Variants in CEP350 observed in about 807,000 individuals in gnomAD.
CEP350 encodes centrosome-associated protein 350.
Under a neutral mutation model 331.8 loss-of-function variants are expected in CEP350, and 126 were observed. The observed-to-expected ratio is 0.38, with a 90% CI of 0.33 to 0.44. CEP350 has a LOEUF of 0.44. Ranked by LOEUF, CEP350 falls within the 20% of genes least tolerant of loss-of-function variation. The pLI is 1.00. For missense variants in CEP350, 3,406 were observed against 3,634.6 expected, an observed-to-expected ratio of 0.94 and a Z score of 1.62; for synonymous variants, 1,200 against 1,259.5, an observed-to-expected ratio of 0.95 and a Z score of 1.00.
At chr1:180,099,780 ATTTTTTTTT>A (rs200255438) in intron 37 of CEP350, among the ~76,000 whole-genome samples, 10 of 119,504 alleles carry the variant, frequency 8.4e-5, no homozygotes, top group Admixed American at 8.7e-5. Context: ...GCCTTATTTG[ATTTTTTTTT>A]TTTTTTTTTT....
chr1:179,990,575 T>C lies in CEP350; in HGVS notation c.189T>C (p.Asp63=), dbSNP rs1033724137. The C allele has an allele frequency of 2.5e-6, 4 of 1,605,912 alleles. No individual in the cohort carries two copies. In the South Asian group the frequency reaches 3.4e-5, roughly 13 times the overall value. The part of the protein sequence containing the change: ...TSTAVCDSVM[D]TKKSSTSATR... ...CAGCTGTGTGTGATTCTGTCATGGA[T>C]ACCAAGAAGTCTTCTACAAGTGCTA... The change falls in exon 4 of 38, where the codon GAT becomes GAC. Residue 63 remains aspartate (D), a synonymous_variant. Transcript: ENST00000367607.
chr1:180,076,379 T>TTAATTAATGATTAATAATC (rs1475236799), intron 28 of CEP350, among the ~76,000 whole-genome samples: 1 of 152,206 alleles, frequency 6.6e-6, no homozygotes, highest in Non-Finnish European at 1.5e-5. Context: ...CAAATCCTAA[T>TTAATTAATGATTAATAATC]ACTTAATGAC....
chr1:179,992,202 G>A lies in CEP350; in HGVS notation c.376G>A (p.Glu126Lys). The A allele has an allele frequency of 6.7e-7, 1 of 1,499,758 alleles. No homozygotes were observed. Among genetic ancestry groups the A allele is most frequent in the South Asian group, 1.4e-5 (1 of 73,854 alleles). The allele number at this position is 1,499,758 out of a possible 1,614,324, so 92.9% of individuals were successfully genotyped here. ...GAAAAATAATCGTGTGGAATTTCGT[G>A]AACCTTTGGTTTCTTATAGGTTAGT... ...VKKNNRVEFREPLVSYREIHG... is the reference protein window; with the variant it reads ...VKKNNRVEFRKPLVSYREIHG... Residue 126 changes from glutamate to lysine, a missense_variant, in exon 5 of 38, where the codon GAA becomes AAA. Around this residue, in one of 5 missense-constraint regions of CEP350, gnomAD observed 1,857 missense variants for 1,909.2 expected, o/e 0.97. Coordinates refer to ENST00000367607, the MANE Select transcript of CEP350 (RefSeq NM_014810.5).
At position 179,987,232 on chromosome 1, in the gene CEP350, T is replaced by C; in HGVS notation, c.74-8T>C. 1.3e-6 allele frequency: 2 copies of C among 1,492,030 alleles called. No homozygotes were observed. The highest frequency in any genetic ancestry group is 1.8e-6 in the Non-Finnish European group (2 of 1,083,488). 92.4% of individuals were successfully genotyped at this position (1,492,030 alleles called of 1,614,324 possible). A position where few individuals can be genotyped will look rare whatever the true frequency, so the allele number is the denominator to read the frequency against. On this transcript the variant is annotated splice_polypyrimidine_tract_variant and splice_region_variant and intron_variant, in intron 2 of 37. Coordinates refer to ENST00000367607, the MANE Select transcript of CEP350 (RefSeq NM_014810.5). ...GATTGATAAAGTAAATATCATTTTT[T>C]TTCCCAGCAGATATAACCACATCGT...
At chr1:179,991,726 CA>C (rs1189161713) in intron 4 of CEP350, among the ~76,000 whole-genome samples, 6 of 79,194 alleles carry the variant, frequency 7.6e-5, no homozygotes, top group Non-Finnish European at 1.6e-4. Context: ...TATATATATA[CA>C]TTTTTTTTTA....
intron 1 of CEP350, among the ~76,000 whole-genome samples, chr1:179,983,759 T>C (rs1652454108): frequency 6.6e-6 from 1 of 152,230 alleles, no homozygotes; most frequent in Admixed American, 6.5e-5. Context: ...GAGAAAATAA[T>C]GTTTATCAAA....
chr1:179,980,420 A>G (rs1240889384), intron 1 of CEP350, among the ~76,000 whole-genome samples: 1 of 151,696 alleles, frequency 6.6e-6, no homozygotes, highest in African/African-American at 2.4e-5. Context: ...GAATTCATTT[A>G]TTAGTTCTAA....
chr1:180,048,338 C>G (rs1375531988), intron 21 of CEP350, among the ~76,000 whole-genome samples, 198 bp from the exon 22 acceptor site: 3 of 152,168 alleles, frequency 2.0e-5, no homozygotes, highest in Admixed American at 6.5e-5. Flanking sequence ...AAACCTTCCT[C>G]TCTCCTACTC....
At chr1:180,001,173 A>G (rs781478725) in intron 6 of CEP350, among the ~76,000 whole-genome samples, 1 of 152,174 alleles carries the variant, frequency 6.6e-6, no homozygotes, top group Non-Finnish European at 1.5e-5. Flanking sequence ...AAATCTTTAT[A>G]CTACTTTGGT....
At chr1:180,038,656 T>C (rs987426836) in intron 17 of CEP350, among the ~76,000 whole-genome samples, 6 of 152,220 alleles carry the variant, frequency 3.9e-5, no homozygotes, top group Non-Finnish European at 5.9e-5. Flanking sequence ...TCTTTTTGTG[T>C]ATTTATTGAG....
Position 180,041,729 on chromosome 1 carries a change from C to T in CEP350, c.4289C>T (p.Ala1430Val), listed in dbSNP as rs761813924. ...GAAGTAACTGAAGTCCTGCAGGAAG[C>T]AACGTGTAAAATAGCAGCTCAGCAG... The part of the protein sequence containing the change: ...QREVTEVLQE[A>V]TCKIAAQQSE... The change falls in exon 19 of 38, where the codon GCA becomes GTA. Residue 1430 changes from alanine (A) to valine (V), a missense_variant. Coordinates refer to ENST00000367607, the MANE Select transcript of CEP350 (RefSeq NM_014810.5). The T allele has an allele frequency of 6.2e-7, 1 of 1,613,376 alleles. No individual in the cohort carries two copies.
Position 179,967,457 on chromosome 1 carries a change from G to A in CEP350, c.-14+12315G>A, listed in dbSNP as rs773141120. 1.6e-4 allele frequency among the ~76,000 whole-genome samples: 24 copies of A among 152,116 alleles called. 1 individual carries two copies. The highest frequency in any genetic ancestry group is 2.4e-4 in the Non-Finnish European group (16 of 68,018). On this transcript the variant is annotated intron_variant, in intron 1 of 37. Coordinates refer to ENST00000367607, the MANE Select transcript of CEP350 (RefSeq NM_014810.5). The stretch of plus-strand genomic sequence containing the variant: ...GACTGAGTCTCACTCTGTCGCCCAG[G>A]AGGGAGTACAGTAGCGTGATCTTGG...
At chr1:180,031,172 T>C (rs961704859) in intron 14 of CEP350, 148 bp from the exon 15 acceptor site, 11 of 469,282 alleles carry the variant, frequency 2.3e-5, no homozygotes, top group Non-Finnish European at 4.2e-5. Context: ...ATTTTAGATA[T>C]GGAAAACAGA....
chr1:180,048,438 C>A, intron 21 of CEP350, 98 bp from the exon 22 acceptor site: 2 of 720,826 alleles, frequency 2.8e-6, no homozygotes, highest in Non-Finnish European at 4.7e-6. Context: ...TTTATCTTGA[C>A]TATAAAGTAC....
intron 1 of CEP350, among the ~76,000 whole-genome samples, chr1:179,965,351 A>G (rs915521259): frequency 6.6e-6 from 1 of 152,126 alleles, no homozygotes; most frequent in Non-Finnish European, 1.5e-5. Flanking sequence ...CCATGTGCAG[A>G]TGAGAGTGTA....
chr1:179,996,684 T>C lies in CEP350; in HGVS notation c.527T>C (p.Ile176Thr), dbSNP rs751985562. The stretch of plus-strand genomic sequence containing the variant: ...ATAGGCAGTCGAGAAGAACGGAATA[T>C]ACGGAGCTGTGATTTTGAGAGCTCC... Reference protein sequence around the residue: ...WMIGSREERNIRSCDFESSQS... With the variant: ...WMIGSREERNTRSCDFESSQS... Residue 176 changes from isoleucine to threonine, a missense_variant, in exon 6 of 38, where the codon ATA (isoleucine) becomes ACA (threonine). By Grantham distance (89) the Ile-to-Thr change is moderately conservative (BLOSUM62 -1). Around this residue, in one of 5 missense-constraint regions of CEP350, gnomAD observed 1,857 missense variants for 1,909.2 expected, o/e 0.97. Transcript: ENST00000367607. 18 of 1,613,576 alleles carry C rather than the reference T, an allele frequency of 1.1e-5. No homozygotes were observed. The highest frequency in any genetic ancestry group is 1.4e-5 in the Non-Finnish European group (16 of 1,179,778).
Position 180,049,543 on chromosome 1 carries a change from C to CT in CEP350, c.4792+857dup, listed in dbSNP as rs34061683. On this transcript the variant is annotated intron_variant, in intron 22 of 37. Coordinates refer to ENST00000367607, the MANE Select transcript of CEP350 (RefSeq NM_014810.5). ...CAACAGGGACCAGACTTACTTACACCTTTTTTTTTTTTTTTTTTTGAGACA... is the reference window on the plus strand; with the variant it reads ...CAACAGGGACCAGACTTACTTACACCTTTTTTTTTTTTTTTTTTTTGAGACA... 4.0e-3 allele frequency among the ~76,000 whole-genome samples: 515 copies of CT among 130,158 alleles called. 2 individuals are homozygous for CT. The highest frequency in any genetic ancestry group is 8.3e-3 in the Middle Eastern group (2 of 242). 85.4% of individuals were successfully genotyped at this position (130,158 alleles called of 152,430 possible). A position where few individuals can be genotyped will look rare whatever the true frequency, so the allele number is the denominator to read the frequency against.
chr1:179,970,296 T>G (rs2148589367), intron 1 of CEP350, among the ~76,000 whole-genome samples: 1 of 152,342 alleles, frequency 6.6e-6, no homozygotes, highest in South Asian at 2.1e-4. Flanking sequence ...AAGTAGTTTT[T>G]GAGGTTTATA....
chr1:180,085,686 A>G (rs1659822029), intron 31 of CEP350: 1 of 152,226 alleles, frequency 6.6e-6, no homozygotes, highest in African/African-American at 2.4e-5. Flanking sequence ...GGAATTTTCA[A>G]AATTTCAAGC....
Sources: gnomAD v4.1 joint callset for allele counts (sites outside exome capture counted in the v4.1 genomes callset) on GRCh38, gnomAD v4.1.1 for gene constraint, gnomAD v4.1.1 regional missense constraint, MANE v1.5 for transcripts, NCBI Gene and HGNC (gene_info 2026-07-23, HGNC 2026-07-21) for gene names.